Variants in DLGAP2 observed in about 807,000 individuals in gnomAD.
DLGAP2 encodes disks large-associated protein 2.
A neutral mutation model predicts 100.3 loss-of-function variants in DLGAP2; 26 were observed. The ratio of observed to expected loss-of-function variants is 0.26; its 90% CI spans 0.19 to 0.36. The LOEUF (loss-of-function observed/expected upper bound fraction) is 0.36, where lower values mean the gene tolerates loss of function less well. Ranked by LOEUF, DLGAP2 falls within the 10% of genes least tolerant of loss-of-function variation. The probability of loss-of-function intolerance (pLI) is 1.00; values close to 1 mark genes in which losing one functional copy is unlikely to be tolerated. For synonymous variants in DLGAP2, 886 were observed against 630.1 expected, an observed-to-expected ratio of 1.41 and a Z score of -6.08; for missense variants, 1,858 against 1,453.2, an observed-to-expected ratio of 1.28 and a Z score of -4.53.
At chr8:874,673 C>T (rs546951624) in intron 1 of DLGAP2, among the ~76,000 whole-genome samples, 8 of 152,232 alleles carry the variant, frequency 5.3e-5, no homozygotes, top group South Asian at 4.2e-4. Context: ...TTGAGAAGAT[C>T]GTATATTCTG....
intron 2 of DLGAP2, among the ~76,000 whole-genome samples, chr8:1,165,759 C>T (rs1797002926): frequency 6.6e-6 from 1 of 151,944 alleles, no homozygotes; most frequent in African/African-American, 2.4e-5. Context: ...TTCTTAGGAA[C>T]TCTAAAATTT....
At chr8:797,293 A>T (rs1390068006) in intron 1 of DLGAP2, among the ~76,000 whole-genome samples, 1 of 152,258 alleles carries the variant, frequency 6.6e-6, no homozygotes, top group African/African-American at 2.4e-5. Flanking sequence ...TCTTAAAAAA[A>T]TGGATTCATA....
intron 1 of DLGAP2, among the ~76,000 whole-genome samples, chr8:814,372 C>T (rs187458194): frequency 9.7e-4 from 147 of 152,298 alleles, no homozygotes; most frequent in African/African-American, 3.4e-3. Context: ...CTGAGTAATT[C>T]ATTGAATCCT....
intron 4 of DLGAP2, among the ~76,000 whole-genome samples, chr8:1,516,257 G>T (rs1291904210): frequency 6.6e-6 from 1 of 152,136 alleles, no homozygotes; most frequent in African/African-American, 2.4e-5. Flanking sequence ...ATGAGTGAGT[G>T]AAAGAGCACA....
At chr8:1,364,982 T>C (rs1402797936) in intron 3 of DLGAP2, among the ~76,000 whole-genome samples, 1 of 152,216 alleles carries the variant, frequency 6.6e-6, no homozygotes, top group East Asian at 1.9e-4. Flanking sequence ...TCCATGCCTG[T>C]GTTCACAGGG....
intron 6 of DLGAP2, among the ~76,000 whole-genome samples, chr8:1,573,831 G>A (rs2130614109): frequency 6.6e-6 from 1 of 152,292 alleles, no homozygotes; most frequent in Admixed American, 6.5e-5. Context: ...CCGACAGCCG[G>A]CAGACCCTAG....
chr8:1,446,291 G>A lies in DLGAP2; in HGVS notation c.107-55075G>A, dbSNP rs551722647. Among the ~76,000 whole-genome samples the A allele has an allele frequency of 5.9e-5, 9 of 152,184 alleles. No individual in the cohort carries two copies. The East Asian group carries it at 1.7e-3, about 29-fold the overall frequency. ...GTATAAGGTGTAAGGAAGGGATCCA[G>A]TTTCAGCTTTCTACATATGGCTAGC... On this transcript the variant is annotated intron_variant, in intron 3 of 14. Transcript: ENST00000637795.
At chr8:1,564,507 G>A (rs968792476) in intron 5 of DLGAP2, among the ~76,000 whole-genome samples, 3 of 152,192 alleles carry the variant, frequency 2.0e-5, no homozygotes, top group Non-Finnish European at 2.9e-5. Flanking sequence ...GCACAGGGGG[G>A]TTATATGTAT....
chr8:1,394,301 A>C (rs1210606225), intron 3 of DLGAP2, among the ~76,000 whole-genome samples: 5 of 84 alleles, frequency 0.06, no homozygotes, highest in Non-Finnish European at 0.079. Context: ...ACTGAGCGCC[A>C]CCTCCTTGTC....
intron 2 of DLGAP2, among the ~76,000 whole-genome samples, chr8:1,195,831 C>T (rs140894494): frequency 3.3e-3 from 500 of 152,260 alleles, no homozygotes; most frequent in Admixed American, 5.0e-3. Context: ...GGCCTTGCAG[C>T]GGTAGATACG....
chr8:1,112,635 G>C (rs1295816181), intron 2 of DLGAP2, among the ~76,000 whole-genome samples: 1 of 152,188 alleles, frequency 6.6e-6, no homozygotes, highest in Non-Finnish European at 1.5e-5. Flanking sequence ...CAGATGCGTA[G>C]TTTGCAAATA....
intron 2 of DLGAP2, among the ~76,000 whole-genome samples, chr8:1,223,559 G>A (rs1341251988): frequency 6.6e-6 from 1 of 152,198 alleles, no homozygotes; most frequent in African/African-American, 2.4e-5. Context: ...TTTGACCAGG[G>A]TTGTTGATCT....
At chr8:1,507,059 A>G (rs574450332) in intron 4 of DLGAP2, among the ~76,000 whole-genome samples, 1 of 152,346 alleles carries the variant, frequency 6.6e-6, no homozygotes, top group African/African-American at 2.4e-5. Flanking sequence ...GCTACACATA[A>G]AAGTTCTCCA....
chr8:906,859 G>C (rs984017276), intron 1 of DLGAP2, among the ~76,000 whole-genome samples: 2 of 152,196 alleles, frequency 1.3e-5, no homozygotes, highest in Admixed American at 1.3e-4. Context: ...TTCTGTCTCT[G>C]TTGATTTGCA....
At chr8:1,692,854 T>C (rs1231691045) in intron 13 of DLGAP2, among the ~76,000 whole-genome samples, 1 of 150,282 alleles carries the variant, frequency 6.7e-6, no homozygotes, top group Non-Finnish European at 1.5e-5. Flanking sequence ...TTACATATAC[T>C]TACATATATA....
At chr8:965,432 A>G (rs2654019) in intron 2 of DLGAP2, among the ~76,000 whole-genome samples, 12,670 of 41,938 alleles carry the variant, frequency 0.3, 3,647 homozygotes, top group Middle Eastern at 0.42. Context: ...GCATGCACAC[A>G]GCGCTGTTCA....
intron 1 of DLGAP2, among the ~76,000 whole-genome samples, chr8:815,525 G>A (rs976088924): frequency 3.0e-4 from 45 of 152,142 alleles, no homozygotes; most frequent in African/African-American, 9.9e-4. Flanking sequence ...CCTGCTAAGC[G>A]GAAATAAAGA....
At chr8:1,386,562 G>A (rs1200484852) in intron 3 of DLGAP2, among the ~76,000 whole-genome samples, 2 of 152,196 alleles carry the variant, frequency 1.3e-5, no homozygotes, top group Non-Finnish European at 2.9e-5. Context: ...ATGTGAGAGT[G>A]GAGTAAGAGG....
intron 4 of DLGAP2, among the ~76,000 whole-genome samples, chr8:1,540,177 C>G (rs1046804998): frequency 2.6e-5 from 4 of 152,296 alleles, no homozygotes; most frequent in South Asian, 4.1e-4. Context: ...GGTCTCTGCC[C>G]TGGTCAAGCC....
Sources: gnomAD v4.1 joint callset for allele counts (sites outside exome capture counted in the v4.1 genomes callset) on GRCh38, gnomAD v4.1.1 for gene constraint, MANE v1.5 for transcripts, NCBI Gene and HGNC (gene_info 2026-07-23, HGNC 2026-07-21) for gene names.